The following PLXNC1 variants were observed in gnomAD, a reference collection of about 807,000 sequenced individuals.
PLXNC1 encodes the protein plexin-C1.
In PLXNC1, 75 loss-of-function variants were observed where a neutral mutation model predicts 178.2. The ratio of observed to expected loss-of-function variants is 0.42; its 90% confidence interval spans 0.35 to 0.51. The LOEUF (loss-of-function observed/expected upper bound fraction) is 0.51, where lower values mean the gene tolerates loss of function less well. PLXNC1 is among the 20% of genes least tolerant of loss of function. The probability of loss-of-function intolerance (pLI) is 0.02; values close to 1 mark genes in which losing one functional copy is unlikely to be tolerated. For synonymous variants in PLXNC1, 790 were observed against 779.9 expected (o/e 1.01, Z -0.22); for missense variants, 1,503 against 1,984.4 (o/e 0.76, Z 4.61).
chr12:94,290,290 T>A (rs1446819896), intron 23 of PLXNC1, among the ~76,000 whole-genome samples: 1 of 152,218 alleles, frequency 6.6e-6, no homozygotes, highest in East Asian at 1.9e-4. Context: ...ATAAACTCGG[T>A]GTCTGAGTAT....
chr12:94,227,143 T>TTCCAG lies in PLXNC1; in HGVS notation c.1894-5_1894-1dup, dbSNP rs1345992446. ...CTGGATGTTGAAGGGATGTTCTCCATTCCAGGAACAGTGTCCAGTGGCTGT... is the reference window on the plus strand; with the variant it reads ...CTGGATGTTGAAGGGATGTTCTCCATTCCAGTCCAGGAACAGTGTCCAGTGGCTGT... On this transcript the variant is annotated splice_polypyrimidine_tract_variant and splice_region_variant and intron_variant, in intron 8 of 30. Transcript: ENST00000258526. 1 of 1,591,164 alleles carries TTCCAG rather than the reference T, an allele frequency of 6.3e-7. No homozygotes were observed. The highest frequency in any genetic ancestry group is 1.3e-5 in the African/African-American group (1 of 74,588).
rs542965043 is a variant in PLXNC1, at chr12:94,207,030, C to G, written c.1440-2560C>G. Among the ~76,000 whole-genome samples, 3 of 152,278 alleles carry G rather than the reference C, an allele frequency of 2.0e-5. No individual in the cohort carries two copies. In the East Asian group the frequency reaches 5.8e-4, roughly 29 times the overall value. Reference sequence around the variant, plus strand: ...AAATATGGGAGCTATAAGATCTGCTCTGTAAGAAATGTAAATGTATGAGTA... The same window carrying G: ...AAATATGGGAGCTATAAGATCTGCTGTGTAAGAAATGTAAATGTATGAGTA... On this transcript the variant is annotated intron_variant, in intron 4 of 30. Coordinates refer to ENST00000258526, the MANE Select transcript of PLXNC1 (RefSeq NM_005761.3).
chr12:94,212,707 C>A (rs1186251216), intron 5 of PLXNC1, among the ~76,000 whole-genome samples: 1 of 143,834 alleles, frequency 7.0e-6, no homozygotes, highest in Non-Finnish European at 1.5e-5. Flanking sequence ...GCCACATTTT[C>A]TTTTCTTTTC....
Position 94,169,066 on chromosome 12 carries a change from G to A in PLXNC1, c.1063-87G>A, listed in dbSNP as rs1961738787. The A allele has an allele frequency of 9.9e-6, 12 of 1,215,068 alleles. No homozygotes were observed. In the South Asian group the frequency reaches 1.7e-4, roughly 17 times the overall value. 75.3% of individuals were successfully genotyped at this position (1,215,068 alleles called of 1,614,324 possible). On this transcript the variant is annotated intron_variant, in intron 1 of 30. Transcript: ENST00000258526. The stretch of plus-strand genomic sequence containing the variant: ...CCAGAAGTGAGATCCTGCCTAGGAG[G>A]GCATGAGTGACATTTCATCAGTATA...
At chr12:94,265,306 T>G in intron 21 of PLXNC1, 81 bp downstream of exon 21, 1 of 1,296,306 alleles carries the variant, frequency 7.7e-7, no homozygotes, top group Middle Eastern at 1.9e-4. Flanking sequence ...TCATTTACAA[T>G]GAAACGGTAT....
intron 9 of PLXNC1, among the ~76,000 whole-genome samples, chr12:94,236,866 T>C (rs954761504): frequency 9.2e-5 from 14 of 152,328 alleles, no homozygotes; most frequent in African/African-American, 3.1e-4. Flanking sequence ...AGGATTGTTT[T>C]ATCTTGAAAA....
chr12:94,299,142 A>AT (rs1188741583), intron 27 of PLXNC1, among the ~76,000 whole-genome samples: 2 of 152,204 alleles, frequency 1.3e-5, no homozygotes. Context: ...ATGATAAACC[A>AT]TTTTTTGTTC....
chr12:94,221,536 A>G (rs1963796534), intron 6 of PLXNC1, among the ~76,000 whole-genome samples: 1 of 152,232 alleles, frequency 6.6e-6, no homozygotes, highest in Admixed American at 6.5e-5. Context: ...GTAGGTCTCC[A>G]GGACTGAGTG....
intron 4 of PLXNC1, among the ~76,000 whole-genome samples, chr12:94,198,430 C>T (rs981841836): frequency 6.6e-6 from 1 of 152,112 alleles, no homozygotes; most frequent in Non-Finnish European, 1.5e-5. Flanking sequence ...TGCAGCAAAC[C>T]ACCCTGGCAC....
At chr12:94,217,896 A>G (rs181724146) in intron 5 of PLXNC1, among the ~76,000 whole-genome samples, 13 of 152,330 alleles carry the variant, frequency 8.5e-5, no homozygotes, top group Admixed American at 7.2e-4. Flanking sequence ...CACTTGGCAC[A>G]TGTTGCAAGC....
At chr12:94,267,220 C>A (rs1290822955) in intron 21 of PLXNC1, among the ~76,000 whole-genome samples, 2 of 152,110 alleles carry the variant, frequency 1.3e-5, no homozygotes, top group Non-Finnish European at 2.9e-5. Context: ...CAACACCGGA[C>A]CCAAACAGGA....
chr12:94,175,912 T>G (rs1041037971), intron 2 of PLXNC1, among the ~76,000 whole-genome samples: 11 of 152,054 alleles, frequency 7.2e-5, no homozygotes, highest in African/African-American at 2.7e-4. Flanking sequence ...CAGTGATGGG[T>G]AGAGAGTGAC....
intron 9 of PLXNC1, among the ~76,000 whole-genome samples, chr12:94,236,827 G>A (rs770917769): frequency 6.6e-5 from 10 of 152,142 alleles, no homozygotes; most frequent in Non-Finnish European, 1.3e-4. Flanking sequence ...ATAGACAGTA[G>A]CATCTGTAAC....
At chr12:94,301,155 T>C in intron 28 of PLXNC1, 98 bp downstream of exon 28, 1 of 961,554 alleles carries the variant, frequency 1.0e-6, no homozygotes, top group Non-Finnish European at 1.5e-6. Flanking sequence ...TGGTCTAAAC[T>C]ACACCAGCTA....
Position 94,181,564 on chromosome 12 carries a change from TA to T in PLXNC1, c.1324del (p.Thr442GlnfsTer6). 1 of 1,607,450 alleles carries T rather than the reference TA, an allele frequency of 6.2e-7. No individual in the cohort carries two copies. The highest frequency in any genetic ancestry group is 8.5e-7 in the Non-Finnish European group (1 of 1,175,742). ...PDPVKNIYIY[L>X]TAGKEVRRIR... is the part of the protein sequence containing the mutation. Reference sequence around the variant, plus strand: ...CCTGTGAAGAATATCTACATTTATCTAACAGCTGGGAAAGAGGTAGGTAGAA... The same window carrying T: ...CCTGTGAAGAATATCTACATTTATCTACAGCTGGGAAAGAGGTAGGTAGAA... On this transcript the variant is annotated frameshift_variant, in exon 3 of 31. Transcript: ENST00000258526. LOFTEE classifies it high-confidence loss of function.
At chr12:94,272,681 G>T (rs1401452159) in intron 21 of PLXNC1, among the ~76,000 whole-genome samples, 1 of 152,212 alleles carries the variant, frequency 6.6e-6, no homozygotes, top group South Asian at 2.1e-4. Flanking sequence ...AAGGTGGGAG[G>T]ATCATTTGAG....
chr12:94,182,574 A>C (rs901764352), intron 3 of PLXNC1, among the ~76,000 whole-genome samples: 5 of 151,696 alleles, frequency 3.3e-5, no homozygotes, highest in African/African-American at 1.2e-4. Flanking sequence ...AAATACAAAC[A>C]ATTAGCTGGG....
intron 19 of PLXNC1, among the ~76,000 whole-genome samples, chr12:94,259,996 C>T (rs1964951139): frequency 6.6e-6 from 1 of 152,068 alleles, no homozygotes; most frequent in Admixed American, 6.6e-5. Flanking sequence ...TGCACTTTTC[C>T]AAAGGCTATT....
At chr12:94,207,912 G>A (rs1385123858) in intron 4 of PLXNC1, among the ~76,000 whole-genome samples, 4 of 152,108 alleles carry the variant, frequency 2.6e-5, no homozygotes, top group Non-Finnish European at 5.9e-5. Flanking sequence ...CAGTCTCTTC[G>A]GAATTGGCTT....
Sources: gnomAD v4.1 joint callset for allele counts (sites outside exome capture counted in the v4.1 genomes callset) on GRCh38, gnomAD v4.1.1 for gene constraint, MANE v1.5 for transcripts, NCBI Gene and HGNC (gene_info 2026-07-23, HGNC 2026-07-21) for gene names.